STXBP3: variants seen among roughly 807,000 people sequenced by gnomAD.
STXBP3 encodes syntaxin-binding protein 3.
STXBP3 carries 41 observed loss-of-function variants against 85.7 expected under a neutral mutation model. The ratio of observed to expected loss-of-function variants is 0.48; its 90% CI spans 0.37 to 0.62. The LOEUF is 0.62. Among genes scored for constraint, STXBP3 ranks in the 20% least tolerant of loss-of-function variants. STXBP3 has a pLI of 0.00. For missense variants in STXBP3, 563 were observed against 703.1 expected (o/e 0.80, Z 2.25); for synonymous variants, 229 against 231.7 (o/e 0.99, Z 0.10).
chr1:108,793,771 CT>C, intron 12 of STXBP3, 124 bp downstream of exon 12: 1 of 703,848 alleles, frequency 1.4e-6, no homozygotes, highest in Non-Finnish European at 2.3e-6. Context: ...CCTCTAAAAC[CT>C]TACTATAGGT....
At chr1:108,758,169 A>T (rs891779992) in intron 4 of STXBP3, among the ~76,000 whole-genome samples, 1 of 151,672 alleles carries the variant, frequency 6.6e-6, no homozygotes, top group African/African-American at 2.4e-5. Context: ...TAGTTCCTTA[A>T]TCTGTTATAT....
chr1:108,803,245 A>G (rs1557816533), intron 17 of STXBP3, among the ~76,000 whole-genome samples: 1 of 152,244 alleles, frequency 6.6e-6, no homozygotes, highest in East Asian at 1.9e-4. Context: ...CTCTTGAACA[A>G]TACAAGAACC....
At chr1:108,777,717 G>A (rs766515390) in intron 8 of STXBP3, among the ~76,000 whole-genome samples, 2 of 152,070 alleles carry the variant, frequency 1.3e-5, no homozygotes, top group Non-Finnish European at 2.9e-5. Context: ...TCAAATACTT[G>A]ATACCTTTCC....
intron 17 of STXBP3, 138 bp downstream of exon 17, chr1:108,800,443 AAATG>A (rs1663208781): frequency 3.4e-6 from 2 of 583,336 alleles, no homozygotes; most frequent in Admixed American, 6.6e-5. Context: ...AACTTGTTTT[AAATG>A]AATCCAGATA....
At chr1:108,762,282 G>A (rs1057059079) in intron 6 of STXBP3, among the ~76,000 whole-genome samples, 1 of 152,118 alleles carries the variant, frequency 6.6e-6, no homozygotes, top group African/African-American at 2.4e-5. Flanking sequence ...AAATCAAGTA[G>A]GACTAGGCTC....
chr1:108,794,958 A>T (rs765901194), intron 13 of STXBP3, 51 bp downstream of exon 13: 2 of 1,494,930 alleles, frequency 1.3e-6, no homozygotes, highest in Admixed American at 4.0e-5. Flanking sequence ...TCAAGGATAA[A>T]CTTTGTAAGT....
chr1:108,793,483 A>T, intron 11 of STXBP3, 99 bp from the exon 12 acceptor site: 1 of 1,054,560 alleles, frequency 9.5e-7, no homozygotes, highest in Non-Finnish European at 1.4e-6. Context: ...TCAGTAAATT[A>T]ACTAGATTTG....
intron 7 of STXBP3, among the ~76,000 whole-genome samples, chr1:108,773,307 A>G (rs1333008057): frequency 1.3e-5 from 2 of 152,272 alleles, no homozygotes; most frequent in African/African-American, 4.8e-5. Context: ...GAAGTTTACT[A>G]TAAAGTGCCT....
At chr1:108,801,301 C>G (rs960541160) in intron 17 of STXBP3, among the ~76,000 whole-genome samples, 1 of 152,010 alleles carries the variant, frequency 6.6e-6, no homozygotes, top group African/African-American at 2.4e-5. Flanking sequence ...AAGTATGAGT[C>G]ACACATTCCT....
intron 16 of STXBP3, among the ~76,000 whole-genome samples, chr1:108,799,060 A>G (rs1395771062): frequency 1.3e-5 from 2 of 152,222 alleles, no homozygotes; most frequent in East Asian, 3.8e-4. Flanking sequence ...TTATGAGCTT[A>G]ATAAAATCAT....
intron 11 of STXBP3, among the ~76,000 whole-genome samples, chr1:108,785,188 C>T (rs1031973887): frequency 6.6e-6 from 1 of 152,216 alleles, no homozygotes; most frequent in African/African-American, 2.4e-5. Flanking sequence ...CCCACATTTC[C>T]CTTCTGCACT....
At chr1:108,807,687 C>T in intron 18 of STXBP3, 138 bp downstream of exon 18, 1 of 815,448 alleles carries the variant, frequency 1.2e-6, no homozygotes, top group South Asian at 1.9e-5. Flanking sequence ...AGCGATTCTT[C>T]TGCCTCAGCC....
At chr1:108,767,136 G>T in intron 6 of STXBP3, 2 of 308,484 alleles carry the variant, frequency 6.5e-6, no homozygotes, top group South Asian at 5.8e-5. Context: ...TTGGACATAG[G>T]ACTGACAGAC....
chr1:108,796,161 C>A, intron 13 of STXBP3, 73 bp from the exon 14 acceptor site: 3 of 1,522,134 alleles, frequency 2.0e-6, no homozygotes. Flanking sequence ...CTGTACCCAG[C>A]CAATAATAGA....
intron 3 of STXBP3, 104 bp from the exon 4 acceptor site, chr1:108,756,586 G>A (rs1662025683): frequency 1.8e-6 from 1 of 559,240 alleles, no homozygotes; most frequent in Non-Finnish European, 2.8e-6. Flanking sequence ...ATTTGTAAAT[G>A]TATTTTCATA....
intron 16 of STXBP3, 23 bp downstream of exon 16, chr1:108,798,260 T>C (rs772090424): frequency 3.2e-6 from 5 of 1,580,410 alleles, no homozygotes; most frequent in Admixed American, 3.5e-5. Context: ...AAAATGTTTT[T>C]TTCTACCTGA....
At chr1:108,803,676 A>T (rs756262052) in intron 17 of STXBP3, among the ~76,000 whole-genome samples, 3 of 152,114 alleles carry the variant, frequency 2.0e-5, no homozygotes, top group Non-Finnish European at 2.9e-5. Context: ...TTTAGCAGAG[A>T]CAGGGTTTCA....
At chr1:108,753,404 CAT>C (rs3051072) in intron 3 of STXBP3, among the ~76,000 whole-genome samples, 2 of 150,242 alleles carry the variant, frequency 1.3e-5, no homozygotes, top group East Asian at 1.9e-4. Context: ...CTCATATATA[CAT>C]ATATATATAT....
intron 7 of STXBP3, 61 bp from the exon 8 acceptor site, chr1:108,776,272 T>TG: frequency 9.3e-7 from 1 of 1,074,650 alleles, no homozygotes; most frequent in East Asian, 2.7e-5. Context: ...TTAAACTTCA[T>TG]GATATTATAA....
Sources: allele counts gnomAD v4.1 joint callset (sites outside exome capture counted in the v4.1 genomes callset), GRCh38; gene constraint gnomAD v4.1.1; transcripts MANE v1.5; gene names NCBI Gene and HGNC (gene_info 2026-07-23, HGNC 2026-07-21).